Variants in DPP10 observed in about 807,000 individuals in gnomAD.
The protein encoded by DPP10 is dipeptidyl peptidase like 10.
Under a neutral mutation model 120.9 loss-of-function variants are expected in DPP10, and 33 were observed. The ratio of observed to expected loss-of-function variants is 0.27; its 90% CI spans 0.21 to 0.37. The LOEUF is 0.37. DPP10 is among the 10% of genes least tolerant of loss of function. The pLI is 1.00. For synonymous variants in DPP10, 337 were observed against 326.1 expected (o/e 1.03, Z -0.36); for missense variants, 816 against 942.8 (o/e 0.87, Z 1.76).
chr2:115,451,252 A>G (rs2073083943), intron 3 of DPP10, among the ~76,000 whole-genome samples: 1 of 151,952 alleles, frequency 6.6e-6, no homozygotes, highest in Non-Finnish European at 1.5e-5. Context: ...ATTATTAAGG[A>G]TGAATAATTA....
intron 1 of DPP10, among the ~76,000 whole-genome samples, chr2:115,136,804 AT>A (rs2050674526): frequency 6.6e-6 from 1 of 152,220 alleles, no homozygotes; most frequent in South Asian, 2.1e-4. Context: ...GACCCAAGTC[AT>A]AATATTTAAA....
At chr2:115,520,511 G>T in intron 4 of DPP10, among the ~76,000 whole-genome samples, 1 of 10,184 alleles carries the variant, frequency 9.8e-5, no homozygotes, top group East Asian at 0.062. Flanking sequence ...CCTGGAGCAT[G>T]ATTTTTTTTT....
intron 1 of DPP10, among the ~76,000 whole-genome samples, chr2:114,776,527 C>T (rs1294383597): frequency 6.6e-6 from 1 of 152,152 alleles, no homozygotes; most frequent in African/African-American, 2.4e-5. Flanking sequence ...AGCGCTAGAT[C>T]TGAGTGAACA....
intron 1 of DPP10, among the ~76,000 whole-genome samples, chr2:114,853,927 T>G (rs1689169715): frequency 6.6e-6 from 1 of 152,194 alleles, no homozygotes; most frequent in African/African-American, 2.4e-5. Flanking sequence ...TCTGCCGCCC[T>G]AGTCAATATC....
chr2:115,187,019 C>CTTTT lies in DPP10; in HGVS notation c.61-122187_61-122184dup, dbSNP rs147014349. Among the ~76,000 whole-genome samples the CTTTT allele has an allele frequency of 6.3e-5, 4 of 63,180 alleles. 1 individual carries two copies. Among genetic ancestry groups the CTTTT allele is most frequent in the African/African-American group, 1.6e-4 (3 of 19,084 alleles). The allele number at this position is 63,180 out of a possible 152,430, so 41.4% of individuals were successfully genotyped here. On this transcript the variant is annotated intron_variant, in intron 1 of 25. Transcript: ENST00000410059. The stretch of plus-strand genomic sequence containing the variant: ...GAATTCAGAAGGTGGTGCAAAGATT[C>CTTTT]TTTTTTTTTTTTTTTTTTTTTTTTT...
chr2:114,796,433 T>G (rs1388076280), intron 1 of DPP10, among the ~76,000 whole-genome samples: 1 of 152,022 alleles, frequency 6.6e-6, no homozygotes, highest in Admixed American at 6.6e-5. Flanking sequence ...TTTAACATTT[T>G]CTTTTCCCTT....
chr2:114,701,259 T>C (rs1032919265), intron 1 of DPP10, among the ~76,000 whole-genome samples: 2 of 152,218 alleles, frequency 1.3e-5, no homozygotes, highest in African/African-American at 4.8e-5. Context: ...ATCATTCCAT[T>C]TGATCTTTAC....
intron 5 of DPP10, among the ~76,000 whole-genome samples, chr2:115,526,827 T>C (rs2078161118): frequency 6.6e-6 from 1 of 152,126 alleles, no homozygotes. Context: ...TTTTGGAATA[T>C]ACATGTGCTA....
chr2:115,607,052 G>GGAAGGC (rs2083748522), intron 5 of DPP10, among the ~76,000 whole-genome samples: 2 of 152,062 alleles, frequency 1.3e-5, no homozygotes. Flanking sequence ...AGGATCCTAG[G>GGAAGGC]AAGAAAAACC....
chr2:114,772,276 G>A (rs1021722993), intron 1 of DPP10, among the ~76,000 whole-genome samples: 17 of 151,904 alleles, frequency 1.1e-4, no homozygotes, highest in African/African-American at 3.9e-4. Flanking sequence ...TCCTGCCTCA[G>A]CCCACCGAGT....
chr2:114,647,438 G>T (rs1237943981), intron 1 of DPP10, among the ~76,000 whole-genome samples: 2 of 151,940 alleles, frequency 1.3e-5, no homozygotes, highest in African/African-American at 2.4e-5. Context: ...AGCTATTTAG[G>T]GAATTTCCCT....
intron 1 of DPP10, among the ~76,000 whole-genome samples, chr2:114,525,764 A>AT (rs1558844579): frequency 6.6e-6 from 1 of 152,210 alleles, no homozygotes; most frequent in Non-Finnish European, 1.5e-5. Flanking sequence ...CAGTTGTATG[A>AT]TTTTATGAAC....
chr2:115,657,338 C>G (rs2088462088), intron 5 of DPP10, among the ~76,000 whole-genome samples: 2 of 151,888 alleles, frequency 1.3e-5, no homozygotes, highest in South Asian at 4.1e-4. Context: ...TCATTTAAAA[C>G]TTACACTGTC....
intron 1 of DPP10, among the ~76,000 whole-genome samples, chr2:114,950,945 G>A (rs1299143352): frequency 6.6e-6 from 1 of 152,158 alleles, no homozygotes; most frequent in African/African-American, 2.4e-5. Flanking sequence ...TATAAGGAAA[G>A]CATCTCTTAT....
Position 115,712,540 on chromosome 2 carries a change from T to TTTTATTTATATATATATATATATATATA in DPP10, c.577-15275_577-15274insTTATTTATATATATATATATATATATAT, listed in dbSNP as rs778592374. ...AGAAATAGCTTTGAAGAGTCCTGAATTAAATATATATATATATATATATAT... is the reference window on the plus strand; with the variant it reads ...AGAAATAGCTTTGAAGAGTCCTGAATTTTATTTATATATATATATATATATATATAAATATATATATATATATATATAT... On this transcript the variant is annotated intron_variant, in intron 7 of 25. Transcript: ENST00000410059. Among the ~76,000 whole-genome samples the TTTTATTTATATATATATATATATATATA allele has an allele frequency of 1.7e-3, 30 of 18,070 alleles. 1 individual carries two copies. The highest frequency in any genetic ancestry group is 3.0e-3 in the African/African-American group (26 of 8,634). The allele number at this position is 18,070 out of a possible 152,430, so 11.9% of individuals were successfully genotyped here.
chr2:115,383,930 A>G (rs1428359942), intron 3 of DPP10, among the ~76,000 whole-genome samples: 2 of 152,190 alleles, frequency 1.3e-5, no homozygotes, highest in Non-Finnish European at 2.9e-5. Context: ...AATCCAAAGA[A>G]ACCAATAGAT....
chr2:115,540,031 AG>A (rs2079086670), intron 5 of DPP10, among the ~76,000 whole-genome samples: 1 of 151,872 alleles, frequency 6.6e-6, no homozygotes, highest in Non-Finnish European at 1.5e-5. Context: ...GAGAGTGTAT[AG>A]TGTGGGGGTC....
chr2:114,867,798 G>T (rs1207359438), intron 1 of DPP10, among the ~76,000 whole-genome samples: 1 of 152,142 alleles, frequency 6.6e-6, no homozygotes, highest in Admixed American at 6.5e-5. Flanking sequence ...GTTGCTGAAG[G>T]TATTTAAAGG....
intron 5 of DPP10, among the ~76,000 whole-genome samples, chr2:115,554,908 TTG>T (rs2080113284): frequency 6.6e-6 from 1 of 152,058 alleles, no homozygotes; most frequent in Non-Finnish European, 1.5e-5. Flanking sequence ...TCCTGACACA[TTG>T]GGTTGAGTTA....
Sources: allele counts gnomAD v4.1 joint callset (sites outside exome capture counted in the v4.1 genomes callset), GRCh38; gene constraint gnomAD v4.1.1; transcripts MANE v1.5; gene names NCBI Gene and HGNC (gene_info 2026-07-23, HGNC 2026-07-21).